Variants in RNF145 observed in about 807,000 individuals in gnomAD.
The protein encoded by RNF145 is ring finger protein 145.
RNF145 carries 12 observed loss-of-function variants against 57.3 expected under a neutral mutation model. The ratio of observed to expected loss-of-function variants is 0.21; its 90% confidence interval spans 0.13 to 0.34. RNF145 has a LOEUF of 0.34. Among genes scored for constraint, RNF145 ranks in the 10% least tolerant of loss-of-function variants. The pLI is 1.00. For missense variants in RNF145, 429 were observed against 799.0 expected (o/e 0.54, Z 5.58); for synonymous variants, 262 against 288.3 (o/e 0.91, Z 0.92).
Position 159,157,548 on chromosome 5 carries a change from T to C in RNF145, c.*1122A>G, listed in dbSNP as rs1302139402. 1.3e-5 allele frequency: 2 copies of C among 152,756 alleles called. No individual in the cohort carries two copies. The highest frequency in any genetic ancestry group is 2.9e-5 in the Non-Finnish European group (2 of 68,028). The allele number at this position is 152,756 out of a possible 1,614,324, so 9.5% of individuals were successfully genotyped here. ...AAAAACACTTTTTGAGCCAAGCCTA[T>C]TGTATAAATAAATGACTAGTTTCTT... is the stretch of plus-strand genomic sequence containing the variant. On this transcript the variant is annotated 3_prime_UTR_variant, in exon 11 of 11. Transcript: ENST00000424310.
In RNF145 at chr5:159,186,888, C is replaced by T. The variant is rs1785077741; in HGVS notation, c.294-4837G>A. Among the ~76,000 whole-genome samples the T allele has an allele frequency of 2.0e-5, 3 of 152,192 alleles. No individual in the cohort carries two copies. The South Asian group carries it at 6.2e-4, about 32-fold the overall frequency. On this transcript the variant is annotated intron_variant, in intron 3 of 10. Coordinates refer to ENST00000424310, the MANE Select transcript of RNF145 (RefSeq NM_001199383.2). Reference sequence around the variant, plus strand: ...ATCCAAGCTACTTGGGAGGCTGAGGCAGGAGAATCACTTGAGCCCTGGAGG... The same window carrying T: ...ATCCAAGCTACTTGGGAGGCTGAGGTAGGAGAATCACTTGAGCCCTGGAGG...
At chr5:159,199,832 C>T (rs1041134817) in intron 2 of RNF145, among the ~76,000 whole-genome samples, 1 of 152,180 alleles carries the variant, frequency 6.6e-6, no homozygotes, top group Non-Finnish European at 1.5e-5. Context: ...ATATCCTACA[C>T]TCCAAAAAAC....
chr5:159,182,072 G>C (rs374172711), intron 3 of RNF145, 21 bp from the exon 4 acceptor site: 104 of 1,393,738 alleles, frequency 7.5e-5, no homozygotes, highest in Non-Finnish European at 1.0e-4. Flanking sequence ...AAATTGATTA[G>C]AATGTATATA....
rs370543519 is a variant in RNF145, at chr5:159,207,504, TAAAAA to T, written c.-40+1722_-40+1726del. The T allele has an allele frequency of 6.0e-3, 7,662 of 1,276,692 alleles. 103 individuals are homozygous for T. The highest frequency in any genetic ancestry group is 0.05 in the African/African-American group (3,333 of 66,094). The allele number at this position is 1,276,692 out of a possible 1,614,324, so 79.1% of individuals were successfully genotyped here. On this transcript the variant is annotated intron_variant, in intron 1 of 10. Coordinates refer to ENST00000424310, the MANE Select transcript of RNF145 (RefSeq NM_001199383.2). ...ATCTCCTTTCTTTCTCCCAACCAGT[TAAAAA>T]AAAAAATTCTACCATCAACTAAAAC... is the stretch of plus-strand genomic sequence containing the variant.
At chr5:159,162,429 T>C (rs1312556793) in intron 9 of RNF145, among the ~76,000 whole-genome samples, 3 of 64,550 alleles carry the variant, frequency 4.6e-5, no homozygotes, top group African/African-American at 1.7e-4. Flanking sequence ...TATTTTCTTT[T>C]TTTTTTTTTT....
intron 3 of RNF145, among the ~76,000 whole-genome samples, chr5:159,182,590 TATA>T (rs1358303590): frequency 2.6e-5 from 4 of 152,144 alleles, no homozygotes; most frequent in African/African-American, 7.2e-5. Context: ...CTAAGATAAT[TATA>T]ATATTTAAGT....
At chr5:159,186,893 G>C (rs146617052) in intron 3 of RNF145, among the ~76,000 whole-genome samples, 46 of 152,322 alleles carry the variant, frequency 3.0e-4, no homozygotes, top group South Asian at 1.0e-3. Context: ...TGAGGCAGGA[G>C]AATCACTTGA....
intron 9 of RNF145, 49 bp from the exon 10 acceptor site, chr5:159,161,671 T>C: frequency 1.9e-6 from 2 of 1,077,298 alleles, no homozygotes; most frequent in Non-Finnish European, 2.7e-6. Context: ...ATCACTAAGA[T>C]ACTTTTTTCA....
chr5:159,181,911 T>G lies in RNF145; in HGVS notation c.385+49A>C, dbSNP rs776989413. 3 of 1,067,136 alleles carry G rather than the reference T, an allele frequency of 2.8e-6. No homozygotes were observed. In the African/African-American group the frequency reaches 4.8e-5, roughly 17 times the overall value. The allele number at this position is 1,067,136 out of a possible 1,614,324, so 66.1% of individuals were successfully genotyped here. ...AGTATGCATGAATTTTATAAGTTAGTAAGACTGGTCGGTTCCTACCTACAC... is the reference window on the plus strand; with the variant it reads ...AGTATGCATGAATTTTATAAGTTAGGAAGACTGGTCGGTTCCTACCTACAC... On this transcript the variant is annotated intron_variant, in intron 4 of 10. Transcript: ENST00000424310.
In RNF145 at chr5:159,209,280, C is replaced by A; in HGVS notation, c.-89G>T. 2 of 985,368 alleles carry A rather than the reference C, an allele frequency of 2.0e-6. No individual in the cohort carries two copies. The highest frequency in any genetic ancestry group is 2.4e-6 in the Non-Finnish European group (2 of 829,904). 61.0% of individuals were successfully genotyped at this position (985,368 alleles called of 1,614,324 possible). Reference sequence around the variant, plus strand: ...GGGAGCGGCGCTGCCGGCGGGCGGGCTCCGCAACTCCCCGGCTCTCTCGCC... The same window carrying A: ...GGGAGCGGCGCTGCCGGCGGGCGGGATCCGCAACTCCCCGGCTCTCTCGCC... On this transcript the variant is annotated 5_prime_UTR_variant, in exon 1 of 11. Coordinates refer to ENST00000424310, the MANE Select transcript of RNF145 (RefSeq NM_001199383.2).
At chr5:159,199,263 G>A (rs1489245096) in intron 2 of RNF145, among the ~76,000 whole-genome samples, 1 of 151,900 alleles carries the variant, frequency 6.6e-6, no homozygotes, top group Non-Finnish European at 1.5e-5. Context: ...AACTACGTTC[G>A]GTCACCCAAA....
intron 8 of RNF145, among the ~76,000 whole-genome samples, chr5:159,166,934 G>A (rs189223694): frequency 6.6e-6 from 1 of 151,952 alleles, no homozygotes; most frequent in African/African-American, 2.4e-5. Context: ...GTCCAGCCTG[G>A]GCAACATAGC....
At chr5:159,181,078 T>C (rs12110198) in intron 4 of RNF145, among the ~76,000 whole-genome samples, 114,852 of 150,666 alleles carry the variant, frequency 0.76, 44,692 homozygotes, top group African/African-American at 0.93. Flanking sequence ...CCCCAGAAAC[T>C]TATCTAAAAA....
intron 7 of RNF145, 80 bp downstream of exon 7, chr5:159,169,599 C>A: frequency 1.6e-6 from 2 of 1,214,190 alleles, no homozygotes; most frequent in East Asian, 2.6e-5. Context: ...TAAAATTCAT[C>A]AGCCAAAGAA....
At chr5:159,161,089 T>C (rs1209274878) in intron 10 of RNF145, 177 bp downstream of exon 10, 2 of 539,418 alleles carry the variant, frequency 3.7e-6, no homozygotes, top group Non-Finnish European at 6.5e-6. Flanking sequence ...TAAAACTTAA[T>C]TTAGAAATAA....
At chr5:159,160,166 G>A (rs1784166947) in intron 10 of RNF145, among the ~76,000 whole-genome samples, 1 of 152,104 alleles carries the variant, frequency 6.6e-6, no homozygotes, top group Non-Finnish European at 1.5e-5. Flanking sequence ...TGAGTACAAT[G>A]AGGCTACCTA....
At chr5:159,179,207 T>C (rs1314764579) in intron 4 of RNF145, among the ~76,000 whole-genome samples, 1 of 152,040 alleles carries the variant, frequency 6.6e-6, no homozygotes. Context: ...ATATGACTCA[T>C]ATGGCGTATT....
chr5:159,186,151 G>GT (rs1785047375), intron 3 of RNF145, among the ~76,000 whole-genome samples: 1 of 152,020 alleles, frequency 6.6e-6, no homozygotes, highest in Non-Finnish European at 1.5e-5. Context: ...TGTGGACCTG[G>GT]TAGGGGCAGG....
chr5:159,158,704 G>T lies in RNF145; in HGVS notation c.1958C>A (p.Ala653Glu), dbSNP rs761123820. 242 of 1,613,732 alleles carry T rather than the reference G, an allele frequency of 1.5e-4. No homozygotes were observed. Among genetic ancestry groups the T allele is most frequent in the Non-Finnish European group, 1.9e-4 (222 of 1,179,844 alleles). Residue 653 changes from alanine to glutamate, a missense_variant, in exon 11 of 11, where the codon GCG becomes GAG. Physicochemically the swap from Ala to Glu is moderately radical, Grantham distance 107. This residue lies in a region of RNF145 where 102 missense variants were observed against 106.2 expected (regional missense o/e 0.96). Coordinates refer to ENST00000424310, the MANE Select transcript of RNF145 (RefSeq NM_001199383.2). ...TTCAACAGGATGTGCTTCATCTTTC[G>T]CACTGTGAGGATATTCTTTGGGGTC... The part of the protein sequence containing the change: ...AFDPKEYPHS[A>E]KDEAHPVESA
Sources: gnomAD v4.1 joint callset for allele counts (sites outside exome capture counted in the v4.1 genomes callset) on GRCh38, gnomAD v4.1.1 for gene constraint, gnomAD v4.1.1 regional missense constraint, MANE v1.5 for transcripts, NCBI Gene and HGNC (gene_info 2026-07-23, HGNC 2026-07-21) for gene names.